The following ARB2A variants were observed in gnomAD, a reference collection of about 807,000 sequenced individuals.
ARB2A encodes the protein ARB2 cotranscriptional regulator A.
chr5:93,889,406 T>C, the ARB2A span, among the ~76,000 whole-genome samples: 3 of 151,882 alleles, frequency 2.0e-5, no homozygotes, highest in Non-Finnish European at 4.4e-5. Context: ...AGTATAGCTA[T>C]GAATTTCTCT....
At chr5:94,028,935 T>C in the ARB2A span, among the ~76,000 whole-genome samples, 1 of 152,144 alleles carries the variant, frequency 6.6e-6, no homozygotes, top group Non-Finnish European at 1.5e-5. Flanking sequence ...TAGGTATTTT[T>C]ATTAGTTTTT....
chr5:93,670,127 T>G, the ARB2A span, among the ~76,000 whole-genome samples: 1 of 152,134 alleles, frequency 6.6e-6, no homozygotes. Context: ...TGTTGGACAC[T>G]TCTTCCCATC....
At chr5:93,804,324 T>C in the ARB2A span, among the ~76,000 whole-genome samples, 1 of 152,010 alleles carries the variant, frequency 6.6e-6, no homozygotes, top group Non-Finnish European at 1.5e-5. Context: ...GAGTATCTAA[T>C]AAGTAAACAA....
the ARB2A span, among the ~76,000 whole-genome samples, chr5:93,880,698 T>G: frequency 2.6e-5 from 4 of 151,836 alleles, no homozygotes; most frequent in African/African-American, 9.6e-5. Context: ...ATAGTATGCA[T>G]GTCAACATTC....
At chr5:93,745,044 T>G in the ARB2A span, among the ~76,000 whole-genome samples, 4 of 152,304 alleles carry the variant, frequency 2.6e-5, no homozygotes, top group African/African-American at 9.6e-5. Context: ...TCTGAAAGAG[T>G]TGTTTTAAGC....
chr5:94,085,536 G>C, the ARB2A span, among the ~76,000 whole-genome samples: 1 of 152,162 alleles, frequency 6.6e-6, no homozygotes. Flanking sequence ...CATGTGGGAG[G>C]GCTTTCTCAA....
the ARB2A span, among the ~76,000 whole-genome samples, chr5:93,731,196 G>C: frequency 1.3e-5 from 2 of 152,086 alleles, no homozygotes; most frequent in Non-Finnish European, 1.5e-5. Context: ...CCAAGCTCCA[G>C]TATCTTAGAA....
chr5:93,821,338 T>C, the ARB2A span, among the ~76,000 whole-genome samples: 15 of 152,108 alleles, frequency 9.9e-5, no homozygotes, highest in Non-Finnish European at 1.5e-5. Flanking sequence ...GTGTGTGTCA[T>C]CTTTAATCAA....
the ARB2A span, among the ~76,000 whole-genome samples, chr5:93,955,969 A>G: frequency 6.6e-6 from 1 of 152,366 alleles, no homozygotes; most frequent in East Asian, 1.9e-4. Flanking sequence ...AACAAGTATG[A>G]GTAACTCTAA....
chr5:93,631,151 T>C, the ARB2A span, among the ~76,000 whole-genome samples: 1 of 152,046 alleles, frequency 6.6e-6, no homozygotes, highest in Non-Finnish European at 1.5e-5. Context: ...TCCCAAAGTG[T>C]TGGGATTACA....
At chr5:93,683,757 G>T in the ARB2A span, 7 of 1,579,082 alleles carry the variant, frequency 4.4e-6, no homozygotes, top group South Asian at 4.4e-5. Flanking sequence ...GAAGGCGGAC[G>T]GAGATAAAAC....
At chr5:93,836,127 GC>G in the ARB2A span, among the ~76,000 whole-genome samples, 1 of 151,968 alleles carries the variant, frequency 6.6e-6, no homozygotes, top group Non-Finnish European at 1.5e-5. Context: ...TCCCAGGTTC[GC>G]GCCATTCTCC....
At chr5:93,954,746 A>G in the ARB2A span, among the ~76,000 whole-genome samples, 1 of 152,084 alleles carries the variant, frequency 6.6e-6, no homozygotes, top group Admixed American at 6.5e-5. Context: ...TGCAGTCCTT[A>G]TGGCCTACAC....
At chr5:93,778,626 ACT>A in the ARB2A span, among the ~76,000 whole-genome samples, 9 of 152,112 alleles carry the variant, frequency 5.9e-5, no homozygotes, top group Admixed American at 1.3e-4. Flanking sequence ...GCGATTAGGT[ACT>A]GTATGTATTT....
the ARB2A span, among the ~76,000 whole-genome samples, chr5:93,919,629 T>C: frequency 6.6e-6 from 1 of 152,146 alleles, no homozygotes; most frequent in Non-Finnish European, 1.5e-5. Context: ...ATTTGAACAT[T>C]AGTATAATTT....
At chr5:94,090,775 G>A in the ARB2A span, among the ~76,000 whole-genome samples, 2 of 152,146 alleles carry the variant, frequency 1.3e-5, no homozygotes, top group African/African-American at 4.8e-5. Context: ...TGCATCTATT[G>A]AGATAACATG....
At chr5:93,933,672 G>A in the ARB2A span, among the ~76,000 whole-genome samples, 11 of 152,180 alleles carry the variant, frequency 7.2e-5, no homozygotes, top group African/African-American at 2.4e-4. Flanking sequence ...GGCTAGGGGA[G>A]GGATAGCATT....
chr5:94,016,144 A>C, the ARB2A span, among the ~76,000 whole-genome samples: 4 of 152,352 alleles, frequency 2.6e-5, no homozygotes, highest in Non-Finnish European at 5.9e-5. Context: ...TTGTACTTAC[A>C]TCAGATAAAA....
chr5:93,875,780 T>C, the ARB2A span, among the ~76,000 whole-genome samples: 3 of 151,184 alleles, frequency 2.0e-5, no homozygotes, highest in Non-Finnish European at 2.9e-5. Flanking sequence ...TTTCCAGCTA[T>C]ATTTTAAAAG....
Sources: gnomAD v4.1 joint callset for allele counts (sites outside exome capture counted in the v4.1 genomes callset) on GRCh38, gnomAD v4.1.1 for gene constraint, MANE v1.5 for transcripts, NCBI Gene and HGNC (gene_info 2026-07-23, HGNC 2026-07-21) for gene names.